Variants in NOD2 observed in about 807,000 individuals in gnomAD.
NOD2 encodes the protein nucleotide binding oligomerization domain containing 2, also known as nucleotide-binding oligomerization domain-containing protein 2.
Under a neutral mutation model 90.9 loss-of-function variants are expected in NOD2, and 86 were observed. That is an observed-to-expected ratio of 0.95 (90% CI 0.79 to 1.13). NOD2 has a LOEUF of 1.13. Among genes scored for constraint, NOD2 ranks in the 50% most tolerant of loss-of-function variants. The pLI, the probability that NOD2 is intolerant of heterozygous loss-of-function variation, is 0.00. For missense variants in NOD2, 1,238 were observed against 1,283.8 expected, an observed-to-expected ratio of 0.96 and a Z score of 0.55; for synonymous variants, 581 against 554.6, an observed-to-expected ratio of 1.05 and a Z score of -0.67.
chr16:50,722,521 C>A lies in NOD2; in HGVS notation c.2634-101C>A, dbSNP rs1256109838. ...ACTCTGGGATTGAGTGGTCCTGCCC[C>A]TCTGGCTGGGACTGCAGAGGGAGGA... On this transcript the variant is annotated intron_variant, in intron 7 of 11. Transcript: ENST00000647318. 3.4e-6 allele frequency: 4 copies of A among 1,168,452 alleles called. No individual in the cohort carries two copies. The East Asian group carries it at 9.4e-5, about 27-fold the overall frequency. 72.4% of individuals were successfully genotyped at this position (1,168,452 alleles called of 1,614,324 possible). A position where few individuals can be genotyped will look rare whatever the true frequency, so the allele number is the denominator to read the frequency against.
intron 2 of NOD2, among the ~76,000 whole-genome samples, chr16:50,700,531 A>G (rs750903604): frequency 5.3e-5 from 8 of 152,188 alleles, no homozygotes; most frequent in Non-Finnish European, 8.8e-5. Flanking sequence ...AGGCTTCCCT[A>G]TGGAGCCTCT....
At chr16:50,717,693 G>A (rs1204563583) in intron 6 of NOD2, among the ~76,000 whole-genome samples, 1 of 152,224 alleles carries the variant, frequency 6.6e-6, no homozygotes, top group Non-Finnish European at 1.5e-5. Context: ...TCTCGGCAAG[G>A]GCTACTGAGA....
At chr16:50,717,112 A>G in intron 6 of NOD2, 138 bp downstream of exon 6, 1 of 773,288 alleles carries the variant, frequency 1.3e-6, no homozygotes, top group Non-Finnish European at 2.3e-6. Flanking sequence ...TCTCATTTTA[A>G]GCAGGGGTTC....
intron 2 of NOD2, among the ~76,000 whole-genome samples, chr16:50,703,431 A>C (rs1221889781): frequency 6.6e-6 from 1 of 152,116 alleles, no homozygotes; most frequent in Admixed American, 6.6e-5. Flanking sequence ...CAAGGTCAGG[A>C]GATCGAGACC....
intron 4 of NOD2, among the ~76,000 whole-genome samples, chr16:50,714,077 C>A (rs1964668904): frequency 6.6e-6 from 1 of 152,162 alleles, no homozygotes; most frequent in South Asian, 2.1e-4. Context: ...TAAGAATGTG[C>A]ATTTTCCTGG....
At chr16:50,702,785 C>T (rs980143119) in intron 2 of NOD2, among the ~76,000 whole-genome samples, 2 of 152,144 alleles carry the variant, frequency 1.3e-5, no homozygotes, top group African/African-American at 4.8e-5. Flanking sequence ...AAGAAACTGC[C>T]CAAATCGCCC....
intron 10 of NOD2, chr16:50,727,712 T>A (rs1302756325): frequency 1.4e-5 from 5 of 359,668 alleles, no homozygotes; most frequent in African/African-American, 1.1e-4. Flanking sequence ...TTGTGTGACA[T>A]GCAGTCGGGT....
chr16:50,696,404 G>A (rs1963650393), intron 1 of NOD2: 1 of 152,240 alleles, frequency 6.6e-6, no homozygotes. Flanking sequence ...CTTTGAAGTT[G>A]TAGTAACTGA....
In NOD2 at chr16:50,711,914, C is replaced by T. The variant is rs5743275; in HGVS notation, c.1922C>T (p.Pro641Leu). 447 of 1,608,530 alleles carry T rather than the reference C, an allele frequency of 2.8e-4. 1 individual carries two copies. The highest frequency in any genetic ancestry group is 4.9e-4 in the Middle Eastern group (3 of 6,066). ...GCAGCTTTGCTGCAGAAGGCCGAGC[C>T]GCACAACCTTCAGATCACAGCAGCC... The part of the protein sequence containing the change: ...SVAALLQKAE[P>L]HNLQITAAFL... Residue 641 changes from proline to leucine, a missense_variant, in exon 4 of 12, where the codon CCG becomes CTG. Physicochemically the swap from Pro to Leu is moderately conservative, Grantham distance 98 (BLOSUM62 -3). This residue lies in a region of NOD2 where 667 missense variants were observed against 688.7 expected (regional missense o/e 0.97). Coordinates refer to ENST00000647318, the MANE Select transcript of NOD2 (RefSeq NM_001370466.1).
intron 10 of NOD2, among the ~76,000 whole-genome samples, chr16:50,726,725 T>G (rs1022345964): frequency 6.6e-6 from 1 of 152,210 alleles, no homozygotes; most frequent in African/African-American, 2.4e-5. Context: ...ATCAGCCTTA[T>G]TTTTCAGCAT....
chr16:50,700,276 C>T (rs1464541167), intron 2 of NOD2, among the ~76,000 whole-genome samples: 1 of 152,072 alleles, frequency 6.6e-6, no homozygotes, highest in East Asian at 1.9e-4. Context: ...TGCTGTACCA[C>T]CATGAACAGC....
At chr16:50,727,659 G>A (rs73575772) in intron 10 of NOD2, 6,673 of 354,248 alleles carry the variant, frequency 0.019, 354 homozygotes, top group African/African-American at 0.12. Context: ...GGCGGATGAG[G>A]CAAAACTTCA....
Position 50,710,877 on chromosome 16 carries a change from C to G in NOD2, c.885C>G (p.Phe295Leu). 1.2e-6 allele frequency: 2 copies of G among 1,614,102 alleles called. No homozygotes were observed. Among genetic ancestry groups the G allele is most frequent in the Non-Finnish European group, 8.5e-7 (1 of 1,180,022 alleles). ...TGCTGTGGGCTGCAGGGCAAGACTT[C>G]CAGGAATTTCTCTTTGTCTTCCCAT... ...LHLLWAAGQD[F>L]QEFLFVFPFS... The change falls in exon 4 of 12, where the codon TTC becomes TTG. Residue 295 changes from phenylalanine to leucine, a missense_variant. Phe to Leu is a conservative substitution (Grantham distance 22). Coordinates refer to ENST00000647318, the MANE Select transcript of NOD2 (RefSeq NM_001370466.1).
chr16:50,700,007 C>T lies in NOD2; in HGVS notation c.459+53C>T, dbSNP rs1387477463. On this transcript the variant is annotated intron_variant, in intron 2 of 11. Coordinates refer to ENST00000647318, the MANE Select transcript of NOD2 (RefSeq NM_001370466.1). ...AGTTCTCAGGAAAGGGGTGCTTAGT[C>T]ACCAAGACTGATTTGTCCTCATGAA... 1.5e-5 allele frequency: 22 copies of T among 1,508,942 alleles called. No individual in the cohort carries two copies. The Admixed American group carries it at 3.8e-4, about 26-fold the overall frequency. 93.5% of individuals were successfully genotyped at this position (1,508,942 alleles called of 1,614,324 possible).
chr16:50,726,453 C>T lies in NOD2; in HGVS notation c.2885+881C>T, dbSNP rs114013302. On this transcript the variant is annotated intron_variant, in intron 10 of 11. Coordinates refer to ENST00000647318, the MANE Select transcript of NOD2 (RefSeq NM_001370466.1). Reference sequence around the variant, plus strand: ...CACTCATTTGTGTTGCTTTCACAAGCTAGGAAGTTTCCAAATATTTGGAGA... The same window carrying T: ...CACTCATTTGTGTTGCTTTCACAAGTTAGGAAGTTTCCAAATATTTGGAGA... 8.3e-3 allele frequency among the ~76,000 whole-genome samples: 1,259 copies of T among 152,334 alleles called. 16 individuals are homozygous for T. Among genetic ancestry groups the T allele is most frequent in the African/African-American group, 0.029 (1,199 of 41,560 alleles).
chr16:50,709,983 C>T (rs1212875894), intron 3 of NOD2: 2 of 455,998 alleles, frequency 4.4e-6, no homozygotes, highest in Admixed American at 4.7e-5. Flanking sequence ...ATGGCTTGCC[C>T]AAGTGTATGG....
Position 50,711,180 on chromosome 16 carries a change from G to T in NOD2, c.1188G>T (p.Val396=), listed in dbSNP as rs77966199. The T allele has an allele frequency of 4.5e-4, 724 of 1,614,106 alleles. 9 individuals are homozygous for T. The African/African-American group carries it at 8.6e-3, about 19-fold the overall frequency. ...TGCTGAAGAATGCCCGCAAGGTGGT[G>T]ACCAGCCGTCCGGCCGCTGTGTCGG... ...GNLLKNARKV[V]TSRPAAVSAF... is the part of the protein sequence containing the mutation. The change falls in exon 4 of 12, where the codon GTG becomes GTT. Residue 396 remains valine (V), a synonymous_variant. Transcript: ENST00000647318.
At chr16:50,704,213 T>C (rs1048756137) in intron 2 of NOD2, among the ~76,000 whole-genome samples, 1 of 152,222 alleles carries the variant, frequency 6.6e-6, no homozygotes, top group Non-Finnish European at 1.5e-5. Flanking sequence ...CTGGTGGCCA[T>C]CTACTTATAG....
At chr16:50,702,482 C>T (rs1036867041) in intron 2 of NOD2, among the ~76,000 whole-genome samples, 1 of 152,168 alleles carries the variant, frequency 6.6e-6, no homozygotes. Context: ...CCTTAGTGGC[C>T]TTACTGATTT....
Sources: allele counts gnomAD v4.1 joint callset (sites outside exome capture counted in the v4.1 genomes callset), GRCh38; gene constraint gnomAD v4.1.1; regional missense constraint gnomAD v4.1.1; transcripts MANE v1.5; gene names NCBI Gene and HGNC (gene_info 2026-07-23, HGNC 2026-07-21).